RGS6: variants seen among roughly 807,000 people sequenced by gnomAD.
RGS6 encodes the protein regulator of G-protein signaling 6.
In RGS6, 30 loss-of-function variants were observed where a neutral mutation model predicts 78.5. The observed-to-expected ratio is 0.38, with a 90% confidence interval of 0.29 to 0.52. RGS6 has a LOEUF of 0.52. Among genes scored for constraint, RGS6 ranks in the 20% least tolerant of loss-of-function variants. RGS6 has a pLI of 0.85. For synonymous variants in RGS6, 206 were observed against 206.0 expected (o/e 1.00, Z 0.00); for missense variants, 495 against 609.7 (o/e 0.81, Z 1.98).
chr14:72,077,200 T>C (rs998114568), intron 2 of RGS6, among the ~76,000 whole-genome samples: 1 of 152,036 alleles, frequency 6.6e-6, no homozygotes, highest in African/African-American at 2.4e-5. Context: ...TATTTATTGG[T>C]ATAATTGAAC....
intron 15 of RGS6, among the ~76,000 whole-genome samples, chr14:72,524,120 A>G (rs1483508363): frequency 6.6e-6 from 1 of 152,260 alleles, no homozygotes; most frequent in African/African-American, 2.4e-5. Context: ...TAATGACTTT[A>G]GTACTCTCTG....
intron 2 of RGS6, among the ~76,000 whole-genome samples, chr14:72,304,829 G>A (rs2066876771): frequency 6.6e-6 from 1 of 152,088 alleles, no homozygotes; most frequent in Non-Finnish European, 1.5e-5. Context: ...GCCATGAGTT[G>A]AGATCGTGAA....
At chr14:72,613,592 C>T in the RGS6 span, among the ~76,000 whole-genome samples, 1 of 152,154 alleles carries the variant, frequency 6.6e-6, no homozygotes, top group African/African-American at 2.4e-5. Flanking sequence ...AACAAAGGGC[C>T]CTGGGGAGTC....
At chr14:72,364,477 T>TA (rs1299745446) in intron 3 of RGS6, among the ~76,000 whole-genome samples, 2 of 152,196 alleles carry the variant, frequency 1.3e-5, no homozygotes, top group African/African-American at 4.8e-5. Context: ...TCAGACTTTC[T>TA]AGCCATTTGA....
At chr14:72,397,652 T>G (rs1425319301) in intron 3 of RGS6, among the ~76,000 whole-genome samples, 2 of 152,322 alleles carry the variant, frequency 1.3e-5, no homozygotes, top group African/African-American at 2.4e-5. Flanking sequence ...ATGCTTCCAG[T>G]TTTTGTCCAT....
intron 2 of RGS6, among the ~76,000 whole-genome samples, chr14:71,987,336 A>T (rs2094759070): frequency 6.6e-6 from 1 of 151,924 alleles, no homozygotes; most frequent in African/African-American, 2.4e-5. Context: ...GGCAGTGAGG[A>T]TGGGAGGGTG....
In RGS6 at chr14:71,932,606, G is replaced by T. The variant is rs1236045441; in HGVS notation, c.-356G>T. Reference sequence around the variant, plus strand: ...GAGGCGGGCAAGCGGCGAACGCCTGGGAGCGCGGAGAGCCAGGCCAGCCCG... The same window carrying T: ...GAGGCGGGCAAGCGGCGAACGCCTGTGAGCGCGGAGAGCCAGGCCAGCCCG... On this transcript the variant is annotated 5_prime_UTR_variant, in exon 1 of 18. Coordinates refer to ENST00000553525, the MANE Select transcript of RGS6 (RefSeq NM_001204424.2). 1 of 152,174 alleles carries T rather than the reference G, an allele frequency of 6.6e-6. No homozygotes were observed. The highest frequency in any genetic ancestry group is 2.4e-5 in the African/African-American group (1 of 41,446). The allele number at this position is 152,174 out of a possible 1,614,324, so 9.4% of individuals were successfully genotyped here.
intron 3 of RGS6, among the ~76,000 whole-genome samples, chr14:72,405,198 C>A (rs1355784996): frequency 2.6e-5 from 4 of 152,104 alleles, no homozygotes; most frequent in African/African-American, 9.7e-5. Context: ...GGAATGTGTC[C>A]CTGCAGGGTC....
chr14:72,260,709 G>A (rs761700722), intron 2 of RGS6, among the ~76,000 whole-genome samples: 1 of 152,158 alleles, frequency 6.6e-6, no homozygotes, highest in African/African-American at 2.4e-5. Context: ...GGATGCCTGC[G>A]GAGCTCTCTC....
intron 2 of RGS6, among the ~76,000 whole-genome samples, chr14:72,147,914 G>T (rs968045567): frequency 5.3e-5 from 8 of 152,070 alleles, no homozygotes; most frequent in African/African-American, 1.9e-4. Flanking sequence ...GGCAGATCAC[G>T]AAGTCAGGAG....
intron 2 of RGS6, among the ~76,000 whole-genome samples, chr14:72,016,612 T>G (rs912436499): frequency 3.9e-5 from 6 of 152,100 alleles, no homozygotes; most frequent in African/African-American, 1.4e-4. Context: ...TGATCCGCCC[T>G]CCTCGGCCTC....
intron 2 of RGS6, among the ~76,000 whole-genome samples, chr14:72,225,639 C>T (rs184422977): frequency 3.3e-5 from 5 of 152,188 alleles, no homozygotes; most frequent in Admixed American, 2.6e-4. Flanking sequence ...AAAAACCATT[C>T]GCTTTAGGAA....
chr14:72,237,200 G>A (rs1423410894), intron 2 of RGS6, among the ~76,000 whole-genome samples: 1 of 152,112 alleles, frequency 6.6e-6, no homozygotes, highest in East Asian at 1.9e-4. Context: ...TTTTAGTGCT[G>A]AATCATATTC....
Position 72,221,381 on chromosome 14 carries a change from C to T in RGS6, c.85-130714C>T, listed in dbSNP as rs75671024. On this transcript the variant is annotated intron_variant, in intron 2 of 17. Transcript: ENST00000553525. ...TCTAGGGGTGGCCGTGGGACCTAGT[C>T]AATGAGACATAAGTTTAATTGTACT... is the stretch of plus-strand genomic sequence containing the variant. 7.6e-3 allele frequency among the ~76,000 whole-genome samples: 1,155 copies of T among 152,142 alleles called. 11 individuals carry two copies. Among genetic ancestry groups the T allele is most frequent in the African/African-American group, 0.026 (1,066 of 41,462 alleles).
chr14:72,249,955 T>C (rs1381704212), intron 2 of RGS6, among the ~76,000 whole-genome samples: 1 of 151,394 alleles, frequency 6.6e-6, no homozygotes, highest in Non-Finnish European at 1.5e-5. Flanking sequence ...ATGGATGAAA[T>C]TGGAAAACAT....
At chr14:72,008,340 G>C (rs1205675669) in intron 2 of RGS6, among the ~76,000 whole-genome samples, 1 of 152,182 alleles carries the variant, frequency 6.6e-6, no homozygotes, top group Non-Finnish European at 1.5e-5. Context: ...TGATTTAGAT[G>C]ATGAGGGTCT....
At chr14:71,913,383 C>G in the RGS6 span, among the ~76,000 whole-genome samples, 1 of 152,168 alleles carries the variant, frequency 6.6e-6, no homozygotes, top group East Asian at 1.9e-4. Flanking sequence ...AGCTGCACTC[C>G]CCAGTCTGCG....
intron 2 of RGS6, among the ~76,000 whole-genome samples, chr14:72,028,973 T>C (rs1217231026): frequency 6.6e-6 from 1 of 152,226 alleles, no homozygotes; most frequent in East Asian, 1.9e-4. Flanking sequence ...ATTTCTAGAG[T>C]AATGCTCACT....
the RGS6 span, among the ~76,000 whole-genome samples, chr14:71,892,822 T>C: frequency 6.6e-6 from 1 of 152,260 alleles, no homozygotes; most frequent in African/African-American, 2.4e-5. Flanking sequence ...TTCTATAAAG[T>C]ACAATGGCAT....
Sources: allele counts gnomAD v4.1 joint callset (sites outside exome capture counted in the v4.1 genomes callset), GRCh38; gene constraint gnomAD v4.1.1; transcripts MANE v1.5; gene names NCBI Gene and HGNC (gene_info 2026-07-23, HGNC 2026-07-21).